Variants in NLRC4 observed in about 807,000 individuals in gnomAD.
NLRC4 encodes the protein NLR family CARD domain-containing protein 4.
A neutral mutation model predicts 79.9 loss-of-function variants in NLRC4; 63 were observed. That is an observed-to-expected ratio of 0.79 (90% CI 0.64 to 0.97). NLRC4 has a LOEUF of 0.97. Ranked by LOEUF, NLRC4 falls within the 50% of genes least tolerant of loss-of-function variation. The pLI is 0.00. For missense variants in NLRC4, 1,074 were observed against 1,215.2 expected, an observed-to-expected ratio of 0.88 and a Z score of 1.73; for synonymous variants, 461 against 456.5, an observed-to-expected ratio of 1.01 and a Z score of -0.12.
chr2:32,261,735 A>T (rs1332059719), intron 1 of NLRC4, among the ~76,000 whole-genome samples: 6 of 152,182 alleles, frequency 3.9e-5, no homozygotes, highest in Admixed American at 3.9e-4. Flanking sequence ...TTCAGAAAAT[A>T]AAGTTTCCCT....
chr2:32,238,060 G>T, intron 6 of NLRC4, 72 bp downstream of exon 6: 1 of 1,032,440 alleles, frequency 9.7e-7, no homozygotes, highest in Non-Finnish European at 1.4e-6. Context: ...GAGACATTTA[G>T]TGTGAATTAG....
chr2:32,244,556 ATAAAT>A (rs1686885623), intron 4 of NLRC4, among the ~76,000 whole-genome samples: 1 of 151,768 alleles, frequency 6.6e-6, no homozygotes, highest in African/African-American at 2.4e-5. Flanking sequence ...AAAAAAAAAA[ATAAAT>A]AAAAGGAATA....
intron 6 of NLRC4, among the ~76,000 whole-genome samples, chr2:32,237,544 A>T (rs1252139932): frequency 1.3e-5 from 2 of 152,242 alleles, no homozygotes; most frequent in Admixed American, 6.5e-5. Context: ...CCCAGCAGTT[A>T]TATAGTTTAA....
intron 1 of NLRC4, among the ~76,000 whole-genome samples, chr2:32,262,054 C>G (rs1053147548): frequency 6.6e-6 from 1 of 151,936 alleles, no homozygotes; most frequent in Non-Finnish European, 1.5e-5. Context: ...GCACTCCAGC[C>G]TGGTGACAGA....
chr2:32,226,041 A>T (rs1424091390), intron 8 of NLRC4, among the ~76,000 whole-genome samples: 1 of 152,216 alleles, frequency 6.6e-6, no homozygotes, highest in East Asian at 1.9e-4. Flanking sequence ...ACCACTAAAG[A>T]GTTCAAGTTA....
At chr2:32,229,588 G>T (rs955758579) in intron 8 of NLRC4, among the ~76,000 whole-genome samples, 1 of 152,194 alleles carries the variant, frequency 6.6e-6, no homozygotes, top group Non-Finnish European at 1.5e-5. Context: ...GCAAAACATG[G>T]CAAAGCTTGG....
chr2:32,264,303 G>C (rs559166537), intron 1 of NLRC4, among the ~76,000 whole-genome samples: 1 of 151,722 alleles, frequency 6.6e-6, no homozygotes, highest in African/African-American at 2.4e-5. Context: ...GCGCGGTGCC[G>C]GGTGCCTGTA....
chr2:32,240,804 G>A (rs368496595), intron 5 of NLRC4, among the ~76,000 whole-genome samples: 10 of 152,220 alleles, frequency 6.6e-5, no homozygotes, highest in South Asian at 2.1e-4. Context: ...TTAAAAACAC[G>A]TCAGGGGCTC....
At chr2:32,245,022 A>T (rs530460449) in intron 4 of NLRC4, among the ~76,000 whole-genome samples, 1 of 152,032 alleles carries the variant, frequency 6.6e-6, no homozygotes. Flanking sequence ...AGAAAATGGG[A>T]TTATAGACCG....
Position 32,249,924 on chromosome 2 carries a change from C to T in NLRC4, c.1940G>A (p.Arg647Lys), listed in dbSNP as rs1056856319. 34 of 1,614,096 alleles carry T rather than the reference C, an allele frequency of 2.1e-5. No individual in the cohort carries two copies. The Admixed American group carries it at 4.8e-4, about 23-fold the overall frequency. The stretch of plus-strand genomic sequence containing the variant: ...CCAGTTGAAGAACAAAGATACAGCC[C>T]TGCTGGGAATGTAGGTTTCTGGGGC... ...EEAPETYIPS[R>K]AVSLFFNWKQ... The change falls in exon 4 of 9, where the codon AGG (arginine) becomes AAG (lysine). Residue 647 changes from arginine (R) to lysine (K), a missense_variant. Arg to Lys is a conservative substitution (Grantham distance 26). Coordinates refer to ENST00000402280, the MANE Select transcript of NLRC4 (RefSeq NM_001199138.2).
rs1687055386 is a variant in NLRC4, at chr2:32,250,765, A to G, written c.1099T>C (p.Tyr367His). The change falls in exon 4 of 9, where the codon TAT becomes CAT. Residue 367 changes from tyrosine (Y) to histidine (H), a missense_variant. Transcript: ENST00000402280. The surrounding 1 kb of genome is among the most constrained non-coding windows in gnomAD (Gnocchi z 4.9). ...HTQTTLFHTFYDLLIQKNKHK... is the reference protein window; with the variant it reads ...HTQTTLFHTFHDLLIQKNKHK... ...TTGTTTTTCTGTATCAACAGATCAT[A>G]GAAGGTATGGAACAGCGTTGTTTGT... The G allele has an allele frequency of 6.2e-7, 1 of 1,614,196 alleles. No individual in the cohort carries two copies. The highest frequency in any genetic ancestry group is 1.1e-5 in the South Asian group (1 of 91,086).
At position 32,251,605 on chromosome 2, in the gene NLRC4, T is replaced by C; in HGVS notation, c.263-4A>G. ...TCTGATGTCTGATGAAAAAGACCTA[T>C]TAGAGAAGAGGTGATGTTAAAGAAG... is the stretch of plus-strand genomic sequence containing the variant. On this transcript the variant is annotated splice_region_variant and splice_polypyrimidine_tract_variant and intron_variant, in intron 3 of 8. Coordinates refer to ENST00000402280, the MANE Select transcript of NLRC4 (RefSeq NM_001199138.2). 6.4e-7 allele frequency: 1 copy of C among 1,574,434 alleles called. No individual in the cohort carries two copies. Among genetic ancestry groups the C allele is most frequent in the Non-Finnish European group, 8.6e-7 (1 of 1,160,496 alleles).
chr2:32,245,324 A>C (rs910939104), intron 4 of NLRC4, among the ~76,000 whole-genome samples: 5 of 151,380 alleles, frequency 3.3e-5, no homozygotes, highest in East Asian at 1.9e-4. Flanking sequence ...AAAAAAAAAA[A>C]AAAAAAAAAC....
At chr2:32,237,681 C>A (rs1221541141) in intron 6 of NLRC4, among the ~76,000 whole-genome samples, 2 of 152,206 alleles carry the variant, frequency 1.3e-5, no homozygotes, top group Non-Finnish European at 2.9e-5. Flanking sequence ...CCTTTGGGAA[C>A]TCAGAAGGCT....
chr2:32,226,610 G>A (rs1177129423), intron 8 of NLRC4, among the ~76,000 whole-genome samples: 3 of 152,198 alleles, frequency 2.0e-5, no homozygotes, highest in Non-Finnish European at 4.4e-5. Flanking sequence ...GCCGGGTGCG[G>A]TGGCTCATGC....
rs917388395 is a variant in NLRC4, at chr2:32,253,417, G to A, written c.2-738C>T. Among the ~76,000 whole-genome samples, 4 of 152,046 alleles carry A rather than the reference G, an allele frequency of 2.6e-5. No individual in the cohort carries two copies. In the South Asian group the frequency reaches 8.3e-4, roughly 32 times the overall value. On this transcript the variant is annotated intron_variant, in intron 2 of 8. Transcript: ENST00000402280. ...CCTGCCTTGGCTTCCCAAAGTGCTG[G>A]GATTACAGGCGTGAGCCACCGTGCC... is the stretch of plus-strand genomic sequence containing the variant.
chr2:32,254,503 C>A (rs928713339), intron 2 of NLRC4, among the ~76,000 whole-genome samples: 1 of 151,836 alleles, frequency 6.6e-6, no homozygotes, highest in Non-Finnish European at 1.5e-5. Flanking sequence ...ACACCGTACC[C>A]AGGCACTGTA....
At chr2:32,256,714 A>G in intron 2 of NLRC4, 61 bp downstream of exon 2, 1 of 723,922 alleles carries the variant, frequency 1.4e-6, no homozygotes, top group Non-Finnish European at 2.6e-6. Flanking sequence ...TTCCATTTAA[A>G]ATCACCAGTA....
In NLRC4 at chr2:32,224,692, A is replaced by G. The variant is rs752330317; in HGVS notation, c.2856T>C (p.Asp952=). The part of the protein sequence containing the change: ...LNLAGNRVSS[D]GWLAFMGVFE... ...ATACACCCATGAAGGCAAGCCATCC[A>G]TCACTGCTCACACGATTTCCCGCCA... is the stretch of plus-strand genomic sequence containing the variant. Residue 952 remains aspartate (D), a synonymous_variant, in exon 9 of 9, where the codon GAT becomes GAC. Transcript: ENST00000402280. 1.3e-5 allele frequency: 21 copies of G among 1,611,828 alleles called. No individual in the cohort carries two copies. Among genetic ancestry groups the G allele is most frequent in the East Asian group, 8.9e-5 (4 of 44,850 alleles).
Sources: gnomAD v4.1 joint callset for allele counts (sites outside exome capture counted in the v4.1 genomes callset) on GRCh38, gnomAD v4.1.1 for gene constraint, Gnocchi (gnomAD v3.1) non-coding constraint, MANE v1.5 for transcripts, NCBI Gene and HGNC (gene_info 2026-07-23, HGNC 2026-07-21) for gene names.